Variants in RPIA observed in about 807,000 individuals in gnomAD.
RPIA encodes the protein ribose 5-phosphate isomerase A, also known as ribose-5-phosphate isomerase.
A neutral mutation model predicts 37.8 loss-of-function variants in RPIA; 29 were observed. The ratio of observed to expected loss-of-function variants is 0.77; its 90% confidence interval spans 0.57 to 1.05. The LOEUF (loss-of-function observed/expected upper bound fraction) is 1.05, where lower values mean the gene tolerates loss of function less well. RPIA is among the 50% of genes least tolerant of loss of function. RPIA has a pLI of 0.00. For synonymous variants in RPIA, 167 were observed against 157.0 expected, an observed-to-expected ratio of 1.06 and a Z score of -0.48; for missense variants, 385 against 413.6, an observed-to-expected ratio of 0.93 and a Z score of 0.60.
chr2:88,735,814 G>C, intron 6 of RPIA, 77 bp downstream of exon 6: 1 of 1,368,616 alleles, frequency 7.3e-7, no homozygotes, highest in Non-Finnish European at 1.0e-6. Flanking sequence ...TTTTGTGAAA[G>C]AGGAAATGGA....
chr2:88,736,464 C>T (rs1673316758), intron 6 of RPIA, 71 bp from the exon 7 acceptor site: 1 of 1,555,426 alleles, frequency 6.4e-7, no homozygotes, highest in South Asian at 1.1e-5. Flanking sequence ...AACCCTGTTC[C>T]TGAATTTGGT....
intron 3 of RPIA, among the ~76,000 whole-genome samples, chr2:88,710,884 G>C (rs534497936): frequency 6.6e-6 from 1 of 152,190 alleles, no homozygotes; most frequent in Non-Finnish European, 1.5e-5. Flanking sequence ...TTACCCCTGA[G>C]GTGGTCTGCT....
In RPIA at chr2:88,750,594, A is replaced by T; in HGVS notation, c.*516A>T. 2.5e-6 allele frequency: 1 copy of T among 406,942 alleles called. No homozygotes were observed. Among genetic ancestry groups the T allele is most frequent in the African/African-American group, 2.1e-5 (1 of 48,780 alleles). The allele number at this position is 406,942 out of a possible 1,614,324, so 25.2% of individuals were successfully genotyped here. Reference sequence around the variant, plus strand: ...GTGAGCACACATAGTACCTAGTTACATCTTAAGATCAGGTTTATAAAACTG... The same window carrying T: ...GTGAGCACACATAGTACCTAGTTACTTCTTAAGATCAGGTTTATAAAACTG... On this transcript the variant is annotated 3_prime_UTR_variant, in exon 9 of 9. Transcript: ENST00000283646.
chr2:88,695,896 A>G (rs992320268), intron 1 of RPIA, among the ~76,000 whole-genome samples: 3 of 151,608 alleles, frequency 2.0e-5, no homozygotes, highest in Admixed American at 2.0e-4. Context: ...TTTTTAGTAT[A>G]TATGTATATG....
chr2:88,716,902 C>G (rs1673043585), intron 3 of RPIA, among the ~76,000 whole-genome samples: 1 of 152,140 alleles, frequency 6.6e-6, no homozygotes, highest in Non-Finnish European at 1.5e-5. Context: ...ATCCAAAGAT[C>G]AGAGGAAACT....
In RPIA at chr2:88,714,492, G is replaced by A. The variant is rs961362192; in HGVS notation, c.402+14428G>A. ...TGGCCCCTGTCTGCTCCTTTGAAGA[G>A]TGCTGGGCTACCTGATGGTCAGCCA... On this transcript the variant is annotated intron_variant, in intron 3 of 8. Transcript: ENST00000283646. Among the ~76,000 whole-genome samples the A allele has an allele frequency of 5.3e-5, 8 of 152,266 alleles. No homozygotes were observed. The East Asian group carries it at 1.5e-3, about 29-fold the overall frequency.
chr2:88,716,922 T>A (rs984565309), intron 3 of RPIA, among the ~76,000 whole-genome samples: 10 of 152,188 alleles, frequency 6.6e-5, no homozygotes, highest in Non-Finnish European at 1.5e-4. Context: ...TCTCCATTTT[T>A]ATGCTTAGGT....
intron 3 of RPIA, among the ~76,000 whole-genome samples, chr2:88,719,831 G>C (rs183129755): frequency 1.1e-4 from 16 of 152,232 alleles, no homozygotes; most frequent in African/African-American, 3.9e-4. Context: ...TAAGGAGTCG[G>C]TTAATGCCTC....
intron 1 of RPIA, 41 bp downstream of exon 1, chr2:88,692,024 GGCGTGATGGGCTACTGTTGC>G: frequency 6.5e-7 from 1 of 1,543,116 alleles, no homozygotes; most frequent in African/African-American, 1.4e-5. Flanking sequence ...GCATGTCCTT[GGCGTGATGGGCTACTGTTGC>G]GCGTTGTGGG....
At chr2:88,737,382 A>G (rs1673327430) in intron 7 of RPIA, among the ~76,000 whole-genome samples, 1 of 152,136 alleles carries the variant, frequency 6.6e-6, no homozygotes, top group African/African-American at 2.4e-5. Flanking sequence ...TGTTTCTGTG[A>G]CTTTTAAAAA....
intron 5 of RPIA, 25 bp from the exon 6 acceptor site, chr2:88,735,644 G>A: frequency 6.2e-7 from 1 of 1,612,512 alleles, no homozygotes; most frequent in East Asian, 2.2e-5. Context: ...TCTTACTCCT[G>A]TGTTCCTTTG....
At chr2:88,735,480 G>A (rs1274561426) in intron 5 of RPIA, among the ~76,000 whole-genome samples, 189 bp from the exon 6 acceptor site, 3 of 152,234 alleles carry the variant, frequency 2.0e-5, no homozygotes, top group Non-Finnish European at 4.4e-5. Context: ...CTCCCAGACA[G>A]GGGTAATGTT....
chr2:88,718,065 C>T (rs1195807499), intron 3 of RPIA, among the ~76,000 whole-genome samples: 1 of 151,950 alleles, frequency 6.6e-6, no homozygotes, highest in African/African-American at 2.4e-5. Context: ...TTGGTGACTC[C>T]AAATTCGGAA....
intron 3 of RPIA, among the ~76,000 whole-genome samples, chr2:88,718,104 C>A (rs1002352102): frequency 2.0e-5 from 3 of 152,036 alleles, no homozygotes; most frequent in Admixed American, 2.0e-4. Flanking sequence ...GAAAAAAACC[C>A]CTGAAAACAT....
At chr2:88,712,420 T>A (rs990613906) in intron 3 of RPIA, among the ~76,000 whole-genome samples, 1 of 152,244 alleles carries the variant, frequency 6.6e-6, no homozygotes, top group African/African-American at 2.4e-5. Flanking sequence ...GCTTTTAAAA[T>A]TCTTTCAGAT....
Position 88,736,586 on chromosome 2 carries a change from G to T in RPIA, c.648G>T (p.Glu216Asp). Residue 216 changes from glutamate to aspartate, a missense_variant, in exon 7 of 9, where the codon GAG becomes GAT. By Grantham distance (45) the Glu-to-Asp change is conservative. Around this residue, in one of 2 missense-constraint regions of RPIA, gnomAD observed 153 missense variants for 210.6 expected, o/e 0.73. Coordinates refer to ENST00000283646, the MANE Select transcript of RPIA (RefSeq NM_144563.3). Reference protein sequence around the residue: ...GDQWHKGIPIEVIPMAYVPVS... With the variant: ...GDQWHKGIPIDVIPMAYVPVS... ...AGTGGCACAAGGGAATCCCCATCGA[G>T]GTCATCCCAATGGCCTATGTCCCAG... The T allele has an allele frequency of 1.2e-6, 2 of 1,614,166 alleles. No homozygotes were observed. The highest frequency in any genetic ancestry group is 1.7e-6 in the Non-Finnish European group (2 of 1,180,032).
At chr2:88,695,830 A>G (rs368231873) in intron 1 of RPIA, among the ~76,000 whole-genome samples, 7 of 152,348 alleles carry the variant, frequency 4.6e-5, no homozygotes, top group African/African-American at 1.2e-4. Flanking sequence ...CACCAGGTCA[A>G]TAACACAAAA....
intron 3 of RPIA, among the ~76,000 whole-genome samples, chr2:88,728,107 A>G (rs2104123346): frequency 6.6e-6 from 1 of 152,340 alleles, no homozygotes; most frequent in South Asian, 2.1e-4. Context: ...GTCTCTCTGG[A>G]AAATGGGGAG....
intron 8 of RPIA, among the ~76,000 whole-genome samples, chr2:88,739,986 T>C (rs1673363138): frequency 6.6e-6 from 1 of 152,182 alleles, no homozygotes; most frequent in South Asian, 2.1e-4. Context: ...AAAACATGAG[T>C]TGGCTTATAC....
Sources: allele counts gnomAD v4.1 joint callset (sites outside exome capture counted in the v4.1 genomes callset), GRCh38; gene constraint gnomAD v4.1.1; regional missense constraint gnomAD v4.1.1; transcripts MANE v1.5; gene names NCBI Gene and HGNC (gene_info 2026-07-23, HGNC 2026-07-21).